SUPT3H: variants seen among roughly 807,000 people sequenced by gnomAD.
The protein encoded by SUPT3H is transcription initiation protein SPT3 homolog.
In SUPT3H, 44 loss-of-function variants were observed where a neutral mutation model predicts 44.3. The observed-to-expected ratio is 0.99, with a 90% CI of 0.78 to 1.28. The LOEUF is 1.28. SUPT3H is among the 50% of genes most tolerant of loss of function. The pLI is 0.00. For missense variants in SUPT3H, 380 were observed against 387.1 expected, an observed-to-expected ratio of 0.98 and a Z score of 0.15; for synonymous variants, 124 against 125.6, an observed-to-expected ratio of 0.99 and a Z score of 0.09.
intron 2 of SUPT3H, among the ~76,000 whole-genome samples, chr6:45,183,911 G>A (rs527796387): frequency 1.8e-3 from 281 of 152,294 alleles, no homozygotes; most frequent in African/African-American, 6.6e-3. Flanking sequence ...TGGTTATTAG[G>A]GGTTGGTGGG....
chr6:45,295,381 A>G (rs963529993), intron 2 of SUPT3H, among the ~76,000 whole-genome samples: 6 of 152,176 alleles, frequency 3.9e-5, no homozygotes, highest in Admixed American at 3.3e-4. Flanking sequence ...CTGAAACTAT[A>G]AAAGTTCCAG....
At chr6:44,837,689 T>C (rs770035602) in intron 10 of SUPT3H, among the ~76,000 whole-genome samples, 1 of 152,226 alleles carries the variant, frequency 6.6e-6, no homozygotes, top group Admixed American at 6.5e-5. Flanking sequence ...ATCAAGCCAA[T>C]TGCTTTGTTT....
intron 2 of SUPT3H, among the ~76,000 whole-genome samples, chr6:45,337,856 G>A (rs1035123157): frequency 6.6e-5 from 10 of 151,882 alleles, no homozygotes; most frequent in Admixed American, 2.0e-4. Context: ...ACTACTGTAA[G>A]TAGAAATAAG....
At chr6:44,946,716 T>C (rs1773408895) in intron 9 of SUPT3H, among the ~76,000 whole-genome samples, 1 of 152,212 alleles carries the variant, frequency 6.6e-6, no homozygotes, top group Non-Finnish European at 1.5e-5. Context: ...TCTATATCTG[T>C]TGAAGATGCT....
At chr6:45,020,874 C>T (rs895515598) in intron 3 of SUPT3H, among the ~76,000 whole-genome samples, 1 of 151,898 alleles carries the variant, frequency 6.6e-6, no homozygotes, top group Non-Finnish European at 1.5e-5. Flanking sequence ...TTATTTCTTT[C>T]TTGCAAAAGA....
intron 1 of SUPT3H, among the ~76,000 whole-genome samples, chr6:45,367,090 A>G (rs1186515269): frequency 6.6e-6 from 1 of 152,122 alleles, no homozygotes; most frequent in East Asian, 1.9e-4. Context: ...TCACTGATGG[A>G]GATAGGCTTT....
At chr6:45,056,233 G>A (rs901452376) in intron 3 of SUPT3H, among the ~76,000 whole-genome samples, 2 of 152,104 alleles carry the variant, frequency 1.3e-5, no homozygotes, top group Non-Finnish European at 2.9e-5. Context: ...ACTGCTGGTG[G>A]GAATGTAAAC....
intron 2 of SUPT3H, among the ~76,000 whole-genome samples, chr6:45,201,895 T>C (rs1417446904): frequency 6.6e-6 from 1 of 151,966 alleles, no homozygotes; most frequent in Non-Finnish European, 1.5e-5. Flanking sequence ...TATATTGTTC[T>C]GCTTAATTTG....
chr6:44,829,560 T>C lies in SUPT3H; in HGVS notation c.*256A>G, dbSNP rs1360734186. 4 of 379,212 alleles carry C rather than the reference T, an allele frequency of 1.1e-5. No individual in the cohort carries two copies. In the Admixed American group the frequency reaches 1.4e-4, roughly 13 times the overall value. 23.5% of individuals were successfully genotyped at this position (379,212 alleles called of 1,614,324 possible). A position where few individuals can be genotyped will look rare whatever the true frequency, so the allele number is the denominator to read the frequency against. On this transcript the variant is annotated 3_prime_UTR_variant, in exon 11 of 11. Transcript: ENST00000371459. ...TACTCAAATTAAAATTTCAAAACTG[T>C]GTGATCTGCATTCTTGTCCACCTAC... is the stretch of plus-strand genomic sequence containing the variant.
intron 2 of SUPT3H, among the ~76,000 whole-genome samples, chr6:45,171,923 G>A (rs1810862472): frequency 6.6e-6 from 1 of 151,184 alleles, no homozygotes. Flanking sequence ...TCACCATGGT[G>A]GCCTGGCTGG....
At chr6:45,015,909 T>A (rs1259784561) in intron 4 of SUPT3H, among the ~76,000 whole-genome samples, 5 of 151,936 alleles carry the variant, frequency 3.3e-5, no homozygotes, top group Non-Finnish European at 7.4e-5. Context: ...GGCAATAGCA[T>A]GCATGGAACT....
rs1775504218 is a variant in SUPT3H at position 45,267,807 on chromosome 6, A to G, written c.101+97394T>C. ...GAGACACCACCATCACCAAAAGAAA[A>G]AGAAAAAAAGCATGACCTAGGTTGC... On this transcript the variant is annotated intron_variant, in intron 2 of 10. Coordinates refer to ENST00000371459, the MANE Select transcript of SUPT3H (RefSeq NM_003599.4). Among the ~76,000 whole-genome samples the G allele has an allele frequency of 3.3e-5, 5 of 150,662 alleles. No individual in the cohort carries two copies. The Admixed American group carries it at 3.3e-4, about 10-fold the overall frequency.
intron 6 of SUPT3H, among the ~76,000 whole-genome samples, chr6:44,977,989 C>T (rs956585736): frequency 9.2e-5 from 14 of 151,638 alleles, no homozygotes; most frequent in Admixed American, 1.3e-4. Flanking sequence ...TATAAGTGGA[C>T]GAATGTCATG....
At chr6:44,936,483 C>G (rs2153463275) in intron 9 of SUPT3H, among the ~76,000 whole-genome samples, 1 of 152,166 alleles carries the variant, frequency 6.6e-6, no homozygotes, top group African/African-American at 2.4e-5. Context: ...TCATCATCTA[C>G]CCCTACTTAC....
At chr6:44,856,311 A>G (rs1199462259) in intron 10 of SUPT3H, among the ~76,000 whole-genome samples, 2 of 152,200 alleles carry the variant, frequency 1.3e-5, no homozygotes, top group African/African-American at 4.8e-5. Context: ...CTCTTCCCTC[A>G]GAGACGACAC....
At chr6:45,234,073 T>C (rs1277971148) in intron 2 of SUPT3H, among the ~76,000 whole-genome samples, 1 of 152,214 alleles carries the variant, frequency 6.6e-6, no homozygotes, top group Admixed American at 6.5e-5. Context: ...CTCAATGTTA[T>C]TAGAAGTACT....
At chr6:44,988,943 A>G (rs1469337318) in intron 6 of SUPT3H, among the ~76,000 whole-genome samples, 1 of 152,080 alleles carries the variant, frequency 6.6e-6, no homozygotes, top group East Asian at 1.9e-4. Flanking sequence ...GGGAGATTCA[A>G]TATTATTAGA....
intron 7 of SUPT3H, among the ~76,000 whole-genome samples, chr6:44,960,005 A>G (rs1051667619): frequency 6.6e-6 from 1 of 152,212 alleles, no homozygotes; most frequent in African/African-American, 2.4e-5. Context: ...TAAAACACCT[A>G]TGGGCACCAT....
intron 2 of SUPT3H, among the ~76,000 whole-genome samples, chr6:45,296,763 A>AAAAAAAAAAAAG (rs773626169): frequency 1.6e-5 from 2 of 125,034 alleles, no homozygotes; most frequent in Admixed American, 9.6e-5. Context: ...AAAAAAAAAA[A>AAAAAAAAAAAAG]ATTACAAATA....
Sources: gnomAD v4.1 joint callset for allele counts (sites outside exome capture counted in the v4.1 genomes callset) on GRCh38, gnomAD v4.1.1 for gene constraint, MANE v1.5 for transcripts, NCBI Gene and HGNC (gene_info 2026-07-23, HGNC 2026-07-21) for gene names.